Variants in STXBP5 observed in about 807,000 individuals in gnomAD.
The protein encoded by STXBP5 is syntaxin-binding protein 5.
Under a neutral mutation model 152.4 loss-of-function variants are expected in STXBP5, and 50 were observed. The ratio of observed to expected loss-of-function variants is 0.33; its 90% CI spans 0.26 to 0.42. The LOEUF (loss-of-function observed/expected upper bound fraction) is 0.42, where lower values mean the gene tolerates loss of function less well. Among genes scored for constraint, STXBP5 ranks in the 10% least tolerant of loss-of-function variants. STXBP5 has a pLI of 1.00. For synonymous variants in STXBP5, 492 were observed against 494.7 expected (o/e 0.99, Z 0.07); for missense variants, 1,167 against 1,388.6 (o/e 0.84, Z 2.54).
At position 147,387,829 on chromosome 6, in the gene STXBP5, C is replaced by T. The variant is rs988141321; in HGVS notation, c.*3074C>T. 7 of 151,042 alleles carry T rather than the reference C, an allele frequency of 4.6e-5. No homozygotes were observed. Among genetic ancestry groups the T allele is most frequent in the Admixed American group, 1.3e-4 (2 of 15,126 alleles). The allele number at this position is 151,042 out of a possible 1,614,324, so 9.4% of individuals were successfully genotyped here. ...TAGAACTTCTTAATTGTAGGTTCCT[C>T]TGAAGCGATTTCATGTAGATATGTG... On this transcript the variant is annotated 3_prime_UTR_variant, in exon 28 of 28. Transcript: ENST00000321680.
Position 147,384,788 on chromosome 6 carries a change from GA to G in STXBP5, c.*35del. On this transcript the variant is annotated 3_prime_UTR_variant, in exon 28 of 28. Coordinates refer to ENST00000321680, the MANE Select transcript of STXBP5 (RefSeq NM_001127715.4). Reference sequence around the variant, plus strand: ...AATCCAATAAGTCCAACTTCAGCCAGAAGGAAAAAAGTTTTCCATTTTTATT... The same window carrying G: ...AATCCAATAAGTCCAACTTCAGCCAGAGGAAAAAAGTTTTCCATTTTTATT... The G allele has an allele frequency of 6.3e-7, 1 of 1,596,408 alleles. No homozygotes were observed. The highest frequency in any genetic ancestry group is 1.4e-5 in the African/African-American group (1 of 73,628).
At chr6:147,233,830 C>A (rs1317097315) in intron 2 of STXBP5, among the ~76,000 whole-genome samples, 11 of 150,134 alleles carry the variant, frequency 7.3e-5, no homozygotes, top group Non-Finnish European at 1.2e-4. Context: ...AAATACTACT[C>A]CTACTACTAC....
At chr6:147,331,734 C>G (rs76342844) in intron 18 of STXBP5, among the ~76,000 whole-genome samples, 4,362 of 151,286 alleles carry the variant, frequency 0.029, 104 homozygotes, top group Admixed American at 0.05. Flanking sequence ...TTGTATTTTC[C>G]CCTCATTTTT....
intron 8 of STXBP5, among the ~76,000 whole-genome samples, chr6:147,285,725 C>T (rs1780928045): frequency 6.6e-6 from 1 of 152,052 alleles, no homozygotes; most frequent in Non-Finnish European, 1.5e-5. Context: ...AATTTTGTAC[C>T]TAGCCAGGTT....
rs145967714 is a variant in STXBP5, at chr6:147,359,900, G to C, written c.2545+577G>C. ...GTTGGTTCCAGCAACCTACTCATCT[G>C]ACAAAGGGCTAATACCCAGAATCTA... On this transcript the variant is annotated intron_variant, in intron 23 of 27. Transcript: ENST00000321680. Among the ~76,000 whole-genome samples the C allele has an allele frequency of 2.7e-3, 418 of 152,062 alleles. 2 individuals are homozygous for C. Among genetic ancestry groups the C allele is most frequent in the African/African-American group, 9.4e-3 (392 of 41,498 alleles).
chr6:147,373,630 A>G (rs1187765218), intron 25 of STXBP5, 101 bp from the exon 26 acceptor site: 11 of 751,500 alleles, frequency 1.5e-5, no homozygotes, highest in Admixed American at 2.2e-5. Flanking sequence ...TCAACAGGTA[A>G]TGTTCTGAGC....
intron 11 of STXBP5, among the ~76,000 whole-genome samples, chr6:147,312,616 A>G (rs572055426): frequency 2.0e-4 from 30 of 152,278 alleles, no homozygotes; most frequent in African/African-American, 7.0e-4. Context: ...AGTTCCCTAC[A>G]GTAGAACATT....
Position 147,363,261 on chromosome 6 carries a change from G to T in STXBP5, c.2546-74G>T. The T allele has an allele frequency of 2.1e-6, 3 of 1,423,528 alleles. No homozygotes were observed. The South Asian group carries it at 4.3e-5, about 20-fold the overall frequency. 88.2% of individuals were successfully genotyped at this position (1,423,528 alleles called of 1,614,324 possible). A position where few individuals can be genotyped will look rare whatever the true frequency, so the allele number is the denominator to read the frequency against. Reference sequence around the variant, plus strand: ...GCATATATTTAAGTATCTACTGTATGTCAAAGTTAGAATAAACGTGTTTAC... The same window carrying T: ...GCATATATTTAAGTATCTACTGTATTTCAAAGTTAGAATAAACGTGTTTAC... On this transcript the variant is annotated intron_variant, in intron 23 of 27. Coordinates refer to ENST00000321680, the MANE Select transcript of STXBP5 (RefSeq NM_001127715.4).
At chr6:147,206,560 A>G (rs1776573829) in intron 2 of STXBP5, among the ~76,000 whole-genome samples, 1 of 152,114 alleles carries the variant, frequency 6.6e-6, no homozygotes, top group Non-Finnish European at 1.5e-5. Flanking sequence ...TAGCAAATTA[A>G]TTTTCTATGA....
chr6:147,375,214 A>T (rs1785751289), intron 26 of STXBP5, among the ~76,000 whole-genome samples: 1 of 152,202 alleles, frequency 6.6e-6, no homozygotes, highest in Non-Finnish European at 1.5e-5. Flanking sequence ...AGAAGGATAG[A>T]TACTTCACAT....
At chr6:147,231,799 T>C (rs908264325) in intron 2 of STXBP5, among the ~76,000 whole-genome samples, 5 of 151,878 alleles carry the variant, frequency 3.3e-5, no homozygotes, top group Admixed American at 6.6e-5. Flanking sequence ...ACTAAGCAGA[T>C]CTTCATTATA....
intron 25 of STXBP5, among the ~76,000 whole-genome samples, chr6:147,368,371 C>T (rs1583004975): frequency 6.6e-6 from 1 of 152,104 alleles, no homozygotes; most frequent in Non-Finnish European, 1.5e-5. Context: ...GTTTGAAAAT[C>T]AGTCAATGTG....
At position 147,291,121 on chromosome 6, in the gene STXBP5, C is replaced by T. The variant is rs1212968857; in HGVS notation, c.866C>T (p.Pro289Leu). 1 of 1,611,420 alleles carries T rather than the reference C, an allele frequency of 6.2e-7. No individual in the cohort carries two copies. Among genetic ancestry groups the T allele is most frequent in the South Asian group, 1.1e-5 (1 of 90,664 alleles). The stretch of plus-strand genomic sequence containing the variant: ...AAACAGTTAAAGGATGGGAAGAAGC[C>T]AGAACCATGCAAACCTATCCTCAAG... ...HGKQLKDGKK[P>L]EPCKPILKVE... Residue 289 changes from proline (P) to leucine (L), a missense_variant, in exon 9 of 28, where the codon CCA (proline) becomes CTA (leucine). Around this residue, in one of 3 missense-constraint regions of STXBP5, gnomAD observed 24 missense variants for 56.2 expected, o/e 0.43. Coordinates refer to ENST00000321680, the MANE Select transcript of STXBP5 (RefSeq NM_001127715.4).
chr6:147,288,258 A>G (rs1781094793), intron 8 of STXBP5, among the ~76,000 whole-genome samples: 1 of 152,150 alleles, frequency 6.6e-6, no homozygotes, highest in Non-Finnish European at 1.5e-5. Context: ...GCACTTTGGG[A>G]ATAGAGTTCC....
intron 2 of STXBP5, among the ~76,000 whole-genome samples, chr6:147,218,209 A>C (rs558955114): frequency 6.6e-6 from 1 of 152,188 alleles, no homozygotes; most frequent in Non-Finnish European, 1.5e-5. Context: ...TCCAAAGTCC[A>C]TAGTTTATGA....
intron 21 of STXBP5, among the ~76,000 whole-genome samples, chr6:147,345,966 C>G (rs1183931581): frequency 1.3e-5 from 2 of 152,068 alleles, no homozygotes; most frequent in East Asian, 3.9e-4. Flanking sequence ...AGAGCAATGA[C>G]CCACCTTAAC....
At chr6:147,356,175 C>G (rs527527844) in intron 22 of STXBP5, among the ~76,000 whole-genome samples, 3 of 152,034 alleles carry the variant, frequency 2.0e-5, no homozygotes, top group Admixed American at 6.6e-5. Flanking sequence ...AAACATTGCT[C>G]ATTTGACCTA....
In STXBP5 at chr6:147,360,993, TGCTC is replaced by T. The variant is rs1201982363; in HGVS notation, c.2545+1671_2545+1674del. The stretch of plus-strand genomic sequence containing the variant: ...AATAATCAGTTTAATTTACTCATTT[TGCTC>T]TATAAGTGCTTGAGTATATACTGCA... On this transcript the variant is annotated intron_variant, in intron 23 of 27. Coordinates refer to ENST00000321680, the MANE Select transcript of STXBP5 (RefSeq NM_001127715.4). Among the ~76,000 whole-genome samples, 11 of 152,356 alleles carry T rather than the reference TGCTC, an allele frequency of 7.2e-5. No individual in the cohort carries two copies. In the East Asian group the frequency reaches 2.1e-3, roughly 29 times the overall value.
At chr6:147,333,559 A>G (rs1229829859) in intron 18 of STXBP5, among the ~76,000 whole-genome samples, 1 of 152,132 alleles carries the variant, frequency 6.6e-6, no homozygotes, top group Non-Finnish European at 1.5e-5. Flanking sequence ...ATTCTCATTC[A>G]AGAACTTCCT....
Sources: allele counts gnomAD v4.1 joint callset (sites outside exome capture counted in the v4.1 genomes callset), GRCh38; gene constraint gnomAD v4.1.1; regional missense constraint gnomAD v4.1.1; transcripts MANE v1.5; gene names NCBI Gene and HGNC (gene_info 2026-07-23, HGNC 2026-07-21).